EPHA6: variants seen among roughly 807,000 people sequenced by gnomAD.
EPHA6 encodes ephrin type-A receptor 6.
EPHA6 carries 50 observed loss-of-function variants against 112.0 expected under a neutral mutation model. The observed-to-expected ratio is 0.45, with a 90% CI of 0.36 to 0.56. The LOEUF (loss-of-function observed/expected upper bound fraction) is 0.56. Ranked by LOEUF, EPHA6 falls within the 20% of genes least tolerant of loss-of-function variation. The pLI, the probability that EPHA6 is intolerant of heterozygous loss-of-function variation, is 0.00. For missense variants in EPHA6, 1,280 were observed against 1,417.4 expected (o/e 0.90, Z 1.56); for synonymous variants, 529 against 490.7 (o/e 1.08, Z -1.03).
intron 3 of EPHA6, among the ~76,000 whole-genome samples, chr3:97,196,020 TTC>T (rs1193227634): frequency 1.3e-5 from 2 of 152,012 alleles, no homozygotes; most frequent in Admixed American, 1.3e-4. Flanking sequence ...ATTGATATCT[TTC>T]TCTAGATTTG....
intron 5 of EPHA6, among the ~76,000 whole-genome samples, chr3:97,359,822 G>A (rs930475651): frequency 6.6e-6 from 1 of 151,256 alleles, no homozygotes; most frequent in Admixed American, 6.6e-5. Context: ...AGCATGCGGT[G>A]TAAACGTAAG....
chr3:97,489,205 C>A (rs537237615), intron 10 of EPHA6, among the ~76,000 whole-genome samples: 1 of 152,260 alleles, frequency 6.6e-6, no homozygotes, highest in African/African-American at 2.4e-5. Flanking sequence ...CACTTATTGC[C>A]CAACCCTCAA....
intron 10 of EPHA6, among the ~76,000 whole-genome samples, chr3:97,524,119 G>C (rs896701144): frequency 6.6e-6 from 1 of 151,578 alleles, no homozygotes; most frequent in African/African-American, 2.4e-5. Flanking sequence ...ACTTACTATA[G>C]GCATTTTATT....
intron 2 of EPHA6, among the ~76,000 whole-genome samples, chr3:96,956,031 C>G (rs1400710937): frequency 1.3e-5 from 2 of 152,148 alleles, no homozygotes; most frequent in South Asian, 2.1e-4. Flanking sequence ...AATAAACATG[C>G]TCTCTGAATT....
intron 6 of EPHA6, chr3:97,447,717 G>C (rs760402759): frequency 9.9e-7 from 1 of 1,005,204 alleles, no homozygotes; most frequent in Non-Finnish European, 1.2e-6. Context: ...TGACTGTCTA[G>C]ATCATCCAGA....
intron 3 of EPHA6, among the ~76,000 whole-genome samples, chr3:97,187,741 G>GAAAGA (rs1553718590): frequency 1.4e-5 from 2 of 146,626 alleles, no homozygotes; most frequent in African/African-American, 5.0e-5. Context: ...AAGAAAGAAA[G>GAAAGA]AAAGAGGAAA....
chr3:97,007,633 G>T (rs1398460107), intron 3 of EPHA6, among the ~76,000 whole-genome samples: 6 of 152,106 alleles, frequency 3.9e-5, no homozygotes, highest in Non-Finnish European at 5.9e-5. Flanking sequence ...GTGTGAATTT[G>T]ATCCTGTCAT....
At chr3:97,257,437 A>G (rs909310415) in intron 5 of EPHA6, among the ~76,000 whole-genome samples, 1 of 152,060 alleles carries the variant, frequency 6.6e-6, no homozygotes, top group Non-Finnish European at 1.5e-5. Flanking sequence ...TTACAAAAAA[A>G]CTTCACTCTT....
intron 4 of EPHA6, among the ~76,000 whole-genome samples, chr3:97,240,623 C>T (rs1389656815): frequency 6.6e-6 from 1 of 151,758 alleles, no homozygotes; most frequent in Non-Finnish European, 1.5e-5. Context: ...TGATTATAAA[C>T]GTGAAACATA....
intron 2 of EPHA6, among the ~76,000 whole-genome samples, chr3:96,919,911 C>G (rs2039676022): frequency 6.6e-6 from 1 of 151,926 alleles, no homozygotes; most frequent in East Asian, 1.9e-4. Flanking sequence ...TTCTCCTTTG[C>G]TAATTACCCA....
chr3:97,109,759 G>A (rs1420724172), intron 3 of EPHA6, among the ~76,000 whole-genome samples: 1 of 152,148 alleles, frequency 6.6e-6, no homozygotes, highest in Non-Finnish European at 1.5e-5. Context: ...GATGCTGACA[G>A]CAGTAAACAA....
chr3:97,510,377 ACATCCTTTT>A (rs2092342145), intron 10 of EPHA6, among the ~76,000 whole-genome samples: 1 of 152,040 alleles, frequency 6.6e-6, no homozygotes, highest in Admixed American at 6.6e-5. Context: ...TTCTGTGTGG[ACATCCTTTT>A]TGTTGGTGTT....
rs527768406 is a variant in EPHA6, at chr3:97,446,965, G to T, written c.1732-1603G>T. On this transcript the variant is annotated intron_variant, in intron 6 of 17. Transcript: ENST00000389672. ...AATCACCTAGAGATAAATATAAGTT[G>T]CAGTTTTTTGGTTTAGTCTTTTTTT... 2.6e-5 allele frequency among the ~76,000 whole-genome samples: 4 copies of T among 152,128 alleles called. No individual in the cohort carries two copies. The South Asian group carries it at 8.3e-4, about 32-fold the overall frequency.
At chr3:97,302,438 C>T (rs1359830928) in intron 5 of EPHA6, among the ~76,000 whole-genome samples, 1 of 150,046 alleles carries the variant, frequency 6.7e-6, no homozygotes, top group Non-Finnish European at 1.5e-5. Context: ...TGTCATTACA[C>T]AGAGATTTTG....
At chr3:97,243,212 G>A (rs1327710467) in intron 4 of EPHA6, among the ~76,000 whole-genome samples, 1 of 151,656 alleles carries the variant, frequency 6.6e-6, no homozygotes, top group Non-Finnish European at 1.5e-5. Flanking sequence ...GTCTCTTTTA[G>A]GCCCACGCTT....
At chr3:97,643,711 A>G (rs898473538) in intron 14 of EPHA6, among the ~76,000 whole-genome samples, 31 of 152,278 alleles carry the variant, frequency 2.0e-4, no homozygotes, top group Admixed American at 3.3e-4. Context: ...ATAATGGTAA[A>G]GGGATCAATT....
intron 2 of EPHA6, among the ~76,000 whole-genome samples, chr3:96,962,555 G>A (rs543891834): frequency 6.7e-6 from 1 of 148,562 alleles, no homozygotes; most frequent in East Asian, 2.0e-4. Flanking sequence ...ACTCCATCAA[G>A]AGAATTTCAG....
At chr3:97,344,896 G>A (rs2083464770) in intron 5 of EPHA6, among the ~76,000 whole-genome samples, 1 of 151,932 alleles carries the variant, frequency 6.6e-6, no homozygotes, top group African/African-American at 2.4e-5. Flanking sequence ...AGAAAAGAAG[G>A]GAAGAAAGAA....
In EPHA6 at chr3:97,330,301, G is replaced by A. The variant is rs910214768; in HGVS notation, c.1607-74849G>A. ...GCTTAGGATTGACTTGGCAATGTGG[G>A]CTCTTTTTTGGTTCCATATGAACTT... On this transcript the variant is annotated intron_variant, in intron 5 of 17. Coordinates refer to ENST00000389672, the MANE Select transcript of EPHA6 (RefSeq NM_001080448.3). Among the ~76,000 whole-genome samples, 6 of 152,186 alleles carry A rather than the reference G, an allele frequency of 3.9e-5. No homozygotes were observed. In the East Asian group the frequency reaches 5.8e-4, roughly 15 times the overall value.
Sources: allele counts gnomAD v4.1 joint callset (sites outside exome capture counted in the v4.1 genomes callset), GRCh38; gene constraint gnomAD v4.1.1; transcripts MANE v1.5; gene names NCBI Gene and HGNC (gene_info 2026-07-23, HGNC 2026-07-21).